Variants in CACHD1 observed in about 807,000 individuals in gnomAD.
CACHD1 encodes cache domain containing 1, also known as VWFA and cache domain-containing protein 1.
A neutral mutation model predicts 138.7 loss-of-function variants in CACHD1; 71 were observed. That is an observed-to-expected ratio of 0.51 (90% CI 0.42 to 0.62). The LOEUF (loss-of-function observed/expected upper bound fraction) is 0.62. Ranked by LOEUF, CACHD1 falls within the 20% of genes least tolerant of loss-of-function variation. CACHD1 has a pLI of 0.00. For missense variants in CACHD1, 1,389 were observed against 1,625.3 expected (o/e 0.85, Z 2.50); for synonymous variants, 578 against 591.5 (o/e 0.98, Z 0.33).
In CACHD1 at chr1:64,664,217, T is replaced by C. The variant is rs920458610; in HGVS notation, c.2095-281T>C. On this transcript the variant is annotated intron_variant, in intron 14 of 26. Transcript: ENST00000651257. ...AAGGAACAAAGCTTTAGGGTTAGTG[T>C]GTATATATGTGTATATTAATGACTC... 7 of 474,430 alleles carry C rather than the reference T, an allele frequency of 1.5e-5. No individual in the cohort carries two copies. In the East Asian group the frequency reaches 2.4e-4, roughly 16 times the overall value. The allele number at this position is 474,430 out of a possible 1,614,324, so 29.4% of individuals were successfully genotyped here.
intron 1 of CACHD1, among the ~76,000 whole-genome samples, chr1:64,496,386 A>G (rs1355788321): frequency 2.6e-5 from 4 of 152,200 alleles, no homozygotes; most frequent in African/African-American, 4.8e-5. Flanking sequence ...TCTTTGAGGT[A>G]GGAAAAATTA....
chr1:64,480,886 C>CTTTTTTTTTTTTTTTTTTTT (rs530847374), intron 1 of CACHD1, among the ~76,000 whole-genome samples: 1 of 140,582 alleles, frequency 7.1e-6, no homozygotes, highest in African/African-American at 2.6e-5. Context: ...CTCTCTCTCC[C>CTTTTTTTTTTTTTTTTTTTT]TTTTTTTTTT....
chr1:64,564,792 G>A (rs1328613086), intron 2 of CACHD1, among the ~76,000 whole-genome samples: 1 of 152,126 alleles, frequency 6.6e-6, no homozygotes, highest in African/African-American at 2.4e-5. Flanking sequence ...ATTGAGAAGT[G>A]TGAGACTGGA....
At chr1:64,613,163 G>A (rs1647591111) in intron 4 of CACHD1, among the ~76,000 whole-genome samples, 1 of 152,092 alleles carries the variant, frequency 6.6e-6, no homozygotes, top group South Asian at 2.1e-4. Flanking sequence ...TGCCTCAATT[G>A]GTATAATCTT....
At chr1:64,675,640 A>G (rs1468282094) in intron 20 of CACHD1, 79 bp downstream of exon 20, 5 of 1,486,826 alleles carry the variant, frequency 3.4e-6, no homozygotes, top group African/African-American at 1.4e-5. Flanking sequence ...TTGAAGTGCA[A>G]AATAAACAGA....
At chr1:64,588,685 A>G (rs1647072417) in intron 3 of CACHD1, among the ~76,000 whole-genome samples, 1 of 152,164 alleles carries the variant, frequency 6.6e-6, no homozygotes, top group African/African-American at 2.4e-5. Flanking sequence ...GCCCAGATCA[A>G]TACTTTTATT....
chr1:64,544,450 C>T (rs1226515650), intron 1 of CACHD1, among the ~76,000 whole-genome samples: 1 of 152,028 alleles, frequency 6.6e-6, no homozygotes, highest in Non-Finnish European at 1.5e-5. Flanking sequence ...AATTCTCTTG[C>T]TATCTGTCAA....
At chr1:64,572,481 T>G (rs547556546) in intron 2 of CACHD1, among the ~76,000 whole-genome samples, 1 of 152,100 alleles carries the variant, frequency 6.6e-6, no homozygotes, top group Non-Finnish European at 1.5e-5. Flanking sequence ...AGCCCTTGAG[T>G]TGATAACCTT....
chr1:64,686,178 C>T (rs1209263910), intron 26 of CACHD1, among the ~76,000 whole-genome samples: 2 of 152,182 alleles, frequency 1.3e-5, no homozygotes, highest in Non-Finnish European at 1.5e-5. Flanking sequence ...TCATGATTCT[C>T]TGCTCCCTGA....
chr1:64,490,343 G>A (rs939695422), intron 1 of CACHD1, among the ~76,000 whole-genome samples: 1 of 149,940 alleles, frequency 6.7e-6, no homozygotes, highest in Non-Finnish European at 1.5e-5. Flanking sequence ...GTTGGCTACA[G>A]GGTTTTCGTT....
chr1:64,669,046 G>A (rs766234954), intron 16 of CACHD1, among the ~76,000 whole-genome samples: 18 of 152,212 alleles, frequency 1.2e-4, no homozygotes, highest in Admixed American at 7.8e-4. Context: ...AGGAAAGTGA[G>A]ATATTAGAGC....
chr1:64,685,422 C>G (rs1441171909), intron 26 of CACHD1, among the ~76,000 whole-genome samples: 1 of 152,188 alleles, frequency 6.6e-6, no homozygotes, highest in East Asian at 1.9e-4. Context: ...CAAGACATGA[C>G]TGTACCCTTG....
At chr1:64,649,260 G>A (rs778958416) in intron 9 of CACHD1, among the ~76,000 whole-genome samples, 133 of 152,178 alleles carry the variant, frequency 8.7e-4, no homozygotes, top group Non-Finnish European at 1.6e-3. Context: ...GCAGTGGTGT[G>A]ATCATAGTTC....
At chr1:64,602,989 T>A (rs536404538) in intron 4 of CACHD1, 77 bp downstream of exon 4, 181 of 953,052 alleles carry the variant, frequency 1.9e-4, no homozygotes, top group Non-Finnish European at 2.9e-4. Flanking sequence ...TGCTTCAATT[T>A]TTTTTTTTAA....
rs1286427030 is a variant in CACHD1 at position 64,588,950 on chromosome 1, A to G, written c.410+6646A>G. ...TGTTAATTGGCTAATCATGGTTAGA[A>G]CTGGCATTAAGGCATCTGTCTGGCT... On this transcript the variant is annotated intron_variant, in intron 3 of 26. Transcript: ENST00000651257. Among the ~76,000 whole-genome samples the G allele has an allele frequency of 2.0e-5, 3 of 152,186 alleles. No homozygotes were observed. The East Asian group carries it at 5.8e-4, about 29-fold the overall frequency.
intron 1 of CACHD1, among the ~76,000 whole-genome samples, chr1:64,529,064 C>G (rs1357654388): frequency 1.3e-5 from 2 of 152,056 alleles, no homozygotes; most frequent in Non-Finnish European, 2.9e-5. Flanking sequence ...GATTTGAATT[C>G]ATGAATCTAT....
chr1:64,648,500 C>A (rs1047578568), intron 9 of CACHD1, among the ~76,000 whole-genome samples: 6 of 152,042 alleles, frequency 3.9e-5, no homozygotes, highest in Non-Finnish European at 8.8e-5. Flanking sequence ...GATAGTAAAT[C>A]TTTCAGATTA....
At chr1:64,672,551 A>G (rs577769278) in intron 17 of CACHD1, among the ~76,000 whole-genome samples, 4 of 152,254 alleles carry the variant, frequency 2.6e-5, no homozygotes, top group African/African-American at 9.6e-5. Context: ...ACTGGGCCTA[A>G]TTTATAAATT....
In CACHD1 at chr1:64,652,255, C is replaced by T. The variant is rs146555792; in HGVS notation, c.1485C>T (p.Asp495=). 2.4e-5 allele frequency: 38 copies of T among 1,613,526 alleles called. No homozygotes were observed. In the African/African-American group the frequency reaches 3.1e-4, roughly 13 times the overall value. Residue 495 remains aspartate, a synonymous_variant, in exon 10 of 27, where the codon GAC becomes GAT. Transcript: ENST00000651257. ...VDVNLAYILE[D]VTYYQDSLAS... ...TGAATCTGGCTTACATTCTTGAAGA[C>T]GTGACGTATTACCAAGACTCTTTGG...
Sources: gnomAD v4.1 joint callset for allele counts (sites outside exome capture counted in the v4.1 genomes callset) on GRCh38, gnomAD v4.1.1 for gene constraint, MANE v1.5 for transcripts, NCBI Gene and HGNC (gene_info 2026-07-23, HGNC 2026-07-21) for gene names.